The following ERC1 variants were observed in gnomAD, a reference collection of about 807,000 sequenced individuals.
The protein encoded by ERC1 is RAB6 interacting protein 2.
A neutral mutation model predicts 132.0 loss-of-function variants in ERC1; 56 were observed. The ratio of observed to expected loss-of-function variants is 0.42; its 90% CI spans 0.34 to 0.53. The LOEUF (loss-of-function observed/expected upper bound fraction) is 0.53. Among genes scored for constraint, ERC1 ranks in the 20% least tolerant of loss-of-function variants. ERC1 has a pLI of 0.03. For missense variants in ERC1, 1,202 were observed against 1,349.9 expected, an observed-to-expected ratio of 0.89 and a Z score of 1.72; for synonymous variants, 478 against 476.1, an observed-to-expected ratio of 1.00 and a Z score of -0.05.
At position 1,444,458 on chromosome 12, in the gene ERC1, A is replaced by G. The variant is rs181060440; in HGVS notation, c.3025-104A>G. On this transcript the variant is annotated intron_variant, in intron 17 of 18. Coordinates refer to ENST00000360905, the MANE Select transcript of ERC1 (RefSeq NM_178040.4). ...TTAGAAGAGCTTTAGTCTTTGGTCA[A>G]TTTTCTTTGACTTGGAAAGCATAAA... 99 of 784,568 alleles carry G rather than the reference A, an allele frequency of 1.3e-4. No homozygotes were observed. The East Asian group carries it at 2.3e-3, about 18-fold the overall frequency. The allele number at this position is 784,568 out of a possible 1,614,324, so 48.6% of individuals were successfully genotyped here.
intron 2 of ERC1, among the ~76,000 whole-genome samples, chr12:1,064,835 G>A (rs926694696): frequency 6.6e-6 from 1 of 152,106 alleles, no homozygotes; most frequent in East Asian, 1.9e-4. Context: ...CTGAGACTTC[G>A]GAAGTTTTCC....
chr12:1,081,927 C>T (rs1435994463), intron 2 of ERC1, among the ~76,000 whole-genome samples: 2 of 151,992 alleles, frequency 1.3e-5, no homozygotes, highest in African/African-American at 4.8e-5. Flanking sequence ...ATGTGTGGTA[C>T]AATCTGGCAT....
intron 15 of ERC1, among the ~76,000 whole-genome samples, chr12:1,322,984 A>G (rs1439925450): frequency 6.6e-6 from 1 of 152,194 alleles, no homozygotes; most frequent in African/African-American, 2.4e-5. Flanking sequence ...AAACTGGTCT[A>G]GGAATTAGGA....
At chr12:1,284,363 G>A (rs773622258) in intron 14 of ERC1, among the ~76,000 whole-genome samples, 65 of 150,842 alleles carry the variant, frequency 4.3e-4, no homozygotes, top group Admixed American at 6.6e-4. Context: ...GGTTGATTCC[G>A]TATTTTGGCT....
At chr12:1,435,385 G>C (rs139881108) in intron 17 of ERC1, among the ~76,000 whole-genome samples, 2 of 152,278 alleles carry the variant, frequency 1.3e-5, no homozygotes, top group East Asian at 1.9e-4. Flanking sequence ...AAAGCTGCTA[G>C]GGTCGGGGAG....
At chr12:1,179,698 G>A (rs1024295720) in intron 8 of ERC1, among the ~76,000 whole-genome samples, 16 of 151,696 alleles carry the variant, frequency 1.1e-4, no homozygotes, top group East Asian at 7.8e-4. Flanking sequence ...TAGTAGAGAC[G>A]GGGTTTCACC....
intron 1 of ERC1, among the ~76,000 whole-genome samples, chr12:1,013,203 G>T (rs1036840130): frequency 6.6e-6 from 1 of 152,126 alleles, no homozygotes; most frequent in Non-Finnish European, 1.5e-5. Flanking sequence ...CACTAGAGTC[G>T]TTGGGGAAGG....
intron 16 of ERC1, among the ~76,000 whole-genome samples, chr12:1,392,151 G>C (rs11061741): frequency 0.3 from 44,886 of 152,020 alleles, 6,840 homozygotes; most frequent in Middle Eastern, 0.34. Context: ...GATGTGTAGC[G>C]AAGGAGCAGG....
intron 8 of ERC1, among the ~76,000 whole-genome samples, chr12:1,150,943 G>T (rs529129518): frequency 8.1e-4 from 124 of 152,296 alleles, no homozygotes; most frequent in African/African-American, 2.7e-3. Context: ...ACGGACTCTT[G>T]TTAAGAATAA....
chr12:1,025,502 T>C (rs1966848694), intron 1 of ERC1, among the ~76,000 whole-genome samples: 1 of 152,214 alleles, frequency 6.6e-6, no homozygotes, highest in Admixed American at 6.5e-5. Flanking sequence ...TTTTTCTTTA[T>C]GGTTTTTGCT....
At chr12:1,234,319 C>T (rs1199397739) in intron 12 of ERC1, among the ~76,000 whole-genome samples, 1 of 152,192 alleles carries the variant, frequency 6.6e-6, no homozygotes, top group East Asian at 1.9e-4. Context: ...CAGTTAGCCA[C>T]ACAACCAGGA....
At chr12:990,820 G>T (rs1959175647), upstream of ERC1, among the ~76,000 whole-genome samples, 1 of 152,010 alleles carries the variant, frequency 6.6e-6, no homozygotes, top group Non-Finnish European at 1.5e-5. Flanking sequence ...GGGAAGACAC[G>T]AAGCGGCTCC....
chr12:1,203,516 A>G (rs761062241), intron 12 of ERC1, among the ~76,000 whole-genome samples: 17 of 152,338 alleles, frequency 1.1e-4, no homozygotes, highest in Admixed American at 5.2e-4. Context: ...ACTTGTAAGT[A>G]CTGAATTATA....
chr12:1,374,824 AT>A (rs5795968), intron 16 of ERC1, among the ~76,000 whole-genome samples: 3,658 of 124,502 alleles, frequency 0.029, 103 homozygotes, highest in African/African-American at 0.091. Flanking sequence ...ACAGGCTGGG[AT>A]TTTTTTTTTT....
At chr12:1,219,887 T>C (rs1566287910) in intron 12 of ERC1, among the ~76,000 whole-genome samples, 1 of 152,144 alleles carries the variant, frequency 6.6e-6, no homozygotes, top group African/African-American at 2.4e-5. Context: ...TGAACTGAAC[T>C]CTTAGACATT....
At chr12:1,452,102 C>G (rs1160985073) in intron 18 of ERC1, among the ~76,000 whole-genome samples, 2 of 152,146 alleles carry the variant, frequency 1.3e-5, no homozygotes, top group Admixed American at 1.3e-4. Flanking sequence ...TTTAAGCCAC[C>G]CAGACTGGTA....
At chr12:1,427,511 A>G (rs1377558989) in intron 17 of ERC1, among the ~76,000 whole-genome samples, 4 of 151,882 alleles carry the variant, frequency 2.6e-5, no homozygotes, top group African/African-American at 9.7e-5. Context: ...TAAATTTCGT[A>G]TTTTCTTTTT....
chr12:1,435,246 T>C lies in ERC1; in HGVS notation c.3025-9316T>C, dbSNP rs147467321. Reference sequence around the variant, plus strand: ...AGAGCAGCCAGGATCCTTCTTAGCTTCTCAGATGTATGAGATTTTTTAGTG... The same window carrying C: ...AGAGCAGCCAGGATCCTTCTTAGCTCCTCAGATGTATGAGATTTTTTAGTG... On this transcript the variant is annotated intron_variant, in intron 17 of 18. Transcript: ENST00000360905. Among the ~76,000 whole-genome samples, 427 of 152,302 alleles carry C rather than the reference T, an allele frequency of 2.8e-3. 1 individual carries two copies. The highest frequency in any genetic ancestry group is 9.8e-3 in the African/African-American group (407 of 41,548).
At position 1,418,719 on chromosome 12, in the gene ERC1, TTTC is replaced by T. The variant is rs1281616830; in HGVS notation, c.3024+10475_3024+10477del. Among the ~76,000 whole-genome samples the T allele has an allele frequency of 9.3e-5, 13 of 139,352 alleles. No individual in the cohort carries two copies. The East Asian group carries it at 2.7e-3, about 28-fold the overall frequency. The allele number at this position is 139,352 out of a possible 152,430, so 91.4% of individuals were successfully genotyped here. On this transcript the variant is annotated intron_variant, in intron 17 of 18. Coordinates refer to ENST00000360905, the MANE Select transcript of ERC1 (RefSeq NM_178040.4). ...CTTTCTTTCTTTCTTTCTTTCTTTC[TTTC>T]TTTTTGGAGACAGGATCTCTCTCTC...
Sources: allele counts gnomAD v4.1 joint callset (sites outside exome capture counted in the v4.1 genomes callset), GRCh38; gene constraint gnomAD v4.1.1; transcripts MANE v1.5; gene names NCBI Gene and HGNC (gene_info 2026-07-23, HGNC 2026-07-21).